The following FMO2 variants were observed in gnomAD, a reference collection of about 807,000 sequenced individuals.
The protein encoded by FMO2 is flavin-containing monooxygenase 2.
A neutral mutation model predicts 41.6 loss-of-function variants in FMO2; 33 were observed. The ratio of observed to expected loss-of-function variants is 0.79; its 90% CI spans 0.60 to 1.06. The LOEUF (loss-of-function observed/expected upper bound fraction) is 1.06, where lower values mean the gene tolerates loss of function less well. Among genes scored for constraint, FMO2 ranks in the 50% least tolerant of loss-of-function variants. The pLI, the probability that FMO2 is intolerant of heterozygous loss-of-function variation, is 0.00. For missense variants in FMO2, 619 were observed against 632.9 expected, an observed-to-expected ratio of 0.98 and a Z score of 0.23; for synonymous variants, 214 against 219.6, an observed-to-expected ratio of 0.97 and a Z score of 0.23.
chr1:171,201,839 A>C (rs4916244), intron 5 of FMO2, among the ~76,000 whole-genome samples: 2 of 152,166 alleles, frequency 1.3e-5, no homozygotes, highest in African/African-American at 2.4e-5. Flanking sequence ...CGAAGGGGGA[A>C]CCCTTATAAA....
intron 2 of FMO2, among the ~76,000 whole-genome samples, chr1:171,187,556 T>C (rs1234820790): frequency 6.8e-6 from 1 of 146,126 alleles, no homozygotes; most frequent in East Asian, 2.0e-4. Flanking sequence ...TCCTACTCTG[T>C]CACCCAGGCT....
At chr1:171,186,091 T>C in intron 2 of FMO2, 1 of 336,054 alleles carries the variant, frequency 3.0e-6, no homozygotes, top group African/African-American at 2.1e-5. Context: ...AGCAATTGTC[T>C]TACAGCCCAT....
At chr1:171,194,185 T>C (rs1484660655) in intron 3 of FMO2, among the ~76,000 whole-genome samples, 1 of 152,242 alleles carries the variant, frequency 6.6e-6, no homozygotes, top group South Asian at 2.1e-4. Context: ...TTTTCTTAGC[T>C]TCTTCATAGA....
At chr1:171,202,264 C>G (rs1658568510) in intron 5 of FMO2, among the ~76,000 whole-genome samples, 1 of 152,136 alleles carries the variant, frequency 6.6e-6, no homozygotes. Context: ...TGGAAAGAGA[C>G]ACTAATGAAA....
intron 4 of FMO2, among the ~76,000 whole-genome samples, chr1:171,197,143 G>A (rs368751073): frequency 3.9e-5 from 6 of 152,180 alleles, no homozygotes; most frequent in South Asian, 2.1e-4. Flanking sequence ...GCCAAACACC[G>A]AGCCTTTTTC....
intron 7 of FMO2, among the ~76,000 whole-genome samples, chr1:171,206,258 T>C (rs1340388163): frequency 1.3e-5 from 2 of 152,090 alleles, no homozygotes; most frequent in East Asian, 3.9e-4. Flanking sequence ...TTGAATAATA[T>C]ATGGAGTGTT....
At chr1:171,194,998 TG>T in intron 3 of FMO2, among the ~76,000 whole-genome samples, 1 of 152,370 alleles carries the variant, frequency 6.6e-6, no homozygotes, top group South Asian at 2.1e-4. Context: ...CAGAAGGTTT[TG>T]TAACTTTGTG....
At chr1:171,203,415 A>C (rs940762660) in intron 5 of FMO2, among the ~76,000 whole-genome samples, 5 of 152,128 alleles carry the variant, frequency 3.3e-5, no homozygotes, top group Non-Finnish European at 5.9e-5. Flanking sequence ...TTCTCCATCC[A>C]GGGATATTCA....
In FMO2 at chr1:171,211,318, C is replaced by T. The variant is rs1463422856; in HGVS notation, c.*2173C>T. On this transcript the variant is annotated 3_prime_UTR_variant, in exon 9 of 9. Coordinates refer to ENST00000209929, the MANE Select transcript of FMO2 (RefSeq NM_001460.5). Reference sequence around the variant, plus strand: ...TAGTCGCAACAGAATCTCTGTGGCCCACAAGGCTAAAATATTTACATTCTC... The same window carrying T: ...TAGTCGCAACAGAATCTCTGTGGCCTACAAGGCTAAAATATTTACATTCTC... 6.6e-6 allele frequency: 1 copy of T among 152,102 alleles called. No individual in the cohort carries two copies. Among genetic ancestry groups the T allele is most frequent in the African/African-American group, 2.4e-5 (1 of 41,410 alleles). 9.4% of individuals were successfully genotyped at this position (152,102 alleles called of 1,614,324 possible).
intron 5 of FMO2, among the ~76,000 whole-genome samples, chr1:171,199,842 G>T (rs1210605768): frequency 1.3e-5 from 2 of 152,116 alleles, no homozygotes; most frequent in African/African-American, 2.4e-5. Context: ...AGCCTCCTGA[G>T]TAGCTGGGAC....
chr1:171,205,578 G>A lies in FMO2; in HGVS notation c.1127G>A (p.Gly376Asp), dbSNP rs1300119243. ...TGCATTGGTCTCATCCAGCCCCTAGGTTCCATTTTCCCAACTGCTGAACTT... is the reference window on the plus strand; with the variant it reads ...TGCATTGGTCTCATCCAGCCCCTAGATTCCATTTTCCCAACTGCTGAACTT... ...LACIGLIQPL[G>D]SIFPTAELQA... Residue 376 changes from glycine to aspartate, a missense_variant, in exon 7 of 9, where the codon GGT becomes GAT. Gly to Asp is a moderately conservative substitution (Grantham distance 94). Coordinates refer to ENST00000209929, the MANE Select transcript of FMO2 (RefSeq NM_001460.5). 43 of 1,613,280 alleles carry A rather than the reference G, an allele frequency of 2.7e-5. No homozygotes were observed. The highest frequency in any genetic ancestry group is 3.6e-5 in the Non-Finnish European group (43 of 1,179,684).
chr1:171,191,105 A>G (rs1317282238), intron 2 of FMO2, among the ~76,000 whole-genome samples: 6 of 152,008 alleles, frequency 3.9e-5, no homozygotes, highest in East Asian at 1.9e-4. Context: ...AGATCATGAC[A>G]TTGCACTCCA....
chr1:171,201,715 T>C (rs1368761076), intron 5 of FMO2, among the ~76,000 whole-genome samples: 2 of 152,162 alleles, frequency 1.3e-5, no homozygotes, highest in Non-Finnish European at 2.9e-5. Flanking sequence ...GGGTAATTTA[T>C]AAAGAAAAGA....
chr1:171,203,209 G>A (rs1408269986), intron 5 of FMO2, among the ~76,000 whole-genome samples: 2 of 151,894 alleles, frequency 1.3e-5, no homozygotes, highest in African/African-American at 2.4e-5. Context: ...TGGATGTGGT[G>A]GTACATGTCT....
At chr1:171,189,525 G>A (rs1482034838) in intron 2 of FMO2, among the ~76,000 whole-genome samples, 1 of 152,110 alleles carries the variant, frequency 6.6e-6, no homozygotes, top group Non-Finnish European at 1.5e-5. Context: ...GTGATCAAGG[G>A]AGACACCAGC....
chr1:171,186,434 A>C (rs530393572), intron 2 of FMO2: 1 of 152,568 alleles, frequency 6.6e-6, no homozygotes, highest in South Asian at 2.1e-4. Flanking sequence ...AGACTGGGTG[A>C]TTTATAAAGG....
At position 171,211,560 on chromosome 1, in the gene FMO2, T is replaced by C. The variant is rs927807593; in HGVS notation, c.*2415T>C. 1.3e-5 allele frequency among the ~76,000 whole-genome samples: 2 copies of C among 152,246 alleles called. No homozygotes were observed. The highest frequency in any genetic ancestry group is 2.9e-5 in the Non-Finnish European group (2 of 68,040). On this transcript the variant is annotated 3_prime_UTR_variant, in exon 9 of 9. Transcript: ENST00000209929. ...CACTAGGAAAATATTATTAAATTTA[T>C]ATCCCTAAAATTTTTAGAAATCTCT...
intron 7 of FMO2, 186 bp from the exon 8 acceptor site, chr1:171,207,532 C>T: frequency 1.9e-6 from 1 of 538,800 alleles, no homozygotes; most frequent in Non-Finnish European, 3.3e-6. Context: ...ATGCCGTAGA[C>T]TGTGCACCCT....
At position 171,205,578 on chromosome 1, in the gene FMO2, G is replaced by T. The variant is rs1300119243; in HGVS notation, c.1127G>T (p.Gly376Val). ...LACIGLIQPL[G>V]SIFPTAELQA... ...TGCATTGGTCTCATCCAGCCCCTAG[G>T]TTCCATTTTCCCAACTGCTGAACTT... The change falls in exon 7 of 9, where the codon GGT becomes GTT. Residue 376 changes from glycine (G) to valine (V), a missense_variant. Gly to Val is a moderately radical substitution (Grantham distance 109, BLOSUM62 -3). Coordinates refer to ENST00000209929, the MANE Select transcript of FMO2 (RefSeq NM_001460.5). 1 of 1,613,162 alleles carries T rather than the reference G, an allele frequency of 6.2e-7. No individual in the cohort carries two copies. The highest frequency in any genetic ancestry group is 8.5e-7 in the Non-Finnish European group (1 of 1,179,692).
Sources: gnomAD v4.1 joint callset for allele counts (sites outside exome capture counted in the v4.1 genomes callset) on GRCh38, gnomAD v4.1.1 for gene constraint, MANE v1.5 for transcripts, NCBI Gene and HGNC (gene_info 2026-07-23, HGNC 2026-07-21) for gene names.